The following RYR2 variants were observed in gnomAD, a reference collection of about 807,000 sequenced individuals.
RYR2 encodes the protein ryanodine receptor 2.
RYR2 carries 227 observed loss-of-function variants against 601.1 expected under a neutral mutation model. That is an observed-to-expected ratio of 0.38 (90% CI 0.34 to 0.42). The LOEUF is 0.42. Among genes scored for constraint, RYR2 ranks in the 10% least tolerant of loss-of-function variants. RYR2 has a pLI of 1.00. For synonymous variants in RYR2, 2,223 were observed against 2,175.1 expected, an observed-to-expected ratio of 1.02 and a Z score of -0.61; for missense variants, 4,646 against 6,156.5, an observed-to-expected ratio of 0.75 and a Z score of 8.21.
At chr1:237,524,249 G>T (rs2618696) in intron 24 of RYR2, among the ~76,000 whole-genome samples, 74,478 of 152,052 alleles carry the variant, frequency 0.49, 18,514 homozygotes, top group East Asian at 0.58. Context: ...TACTGCCACA[G>T]ACTCCAACAT....
At chr1:237,606,223 C>T (rs1451670735) in intron 35 of RYR2, among the ~76,000 whole-genome samples, 1 of 152,120 alleles carries the variant, frequency 6.6e-6, no homozygotes, top group Non-Finnish European at 1.5e-5. Context: ...AACAGAGATA[C>T]AGACCAATGG....
chr1:237,345,489 AATAT>A (rs1558658275), intron 3 of RYR2, among the ~76,000 whole-genome samples: 1 of 151,160 alleles, frequency 6.6e-6, no homozygotes, highest in Non-Finnish European at 1.5e-5. Context: ...AATAAAAAAA[AATAT>A]ATATATGTAC....
At position 237,234,883 on chromosome 1, in the gene RYR2, AT is replaced by A. The variant is rs1014101435; in HGVS notation, c.49-35603del. Among the ~76,000 whole-genome samples the A allele has an allele frequency of 7.0e-3, 1,021 of 146,486 alleles. 9 individuals carry two copies. Among genetic ancestry groups the A allele is most frequent in the African/African-American group, 0.023 (916 of 40,262 alleles). On this transcript the variant is annotated intron_variant, in intron 1 of 104. Transcript: ENST00000366574. Reference sequence around the variant, plus strand: ...TCATCAAGAAGCTTACAGTTTTGTGATTTTTTTTTTTAATGCCCAAGAATCT... The same window carrying A: ...TCATCAAGAAGCTTACAGTTTTGTGATTTTTTTTTTAATGCCCAAGAATCT...
chr1:237,508,986 C>T, intron 23 of RYR2, among the ~76,000 whole-genome samples: 1 of 151,906 alleles, frequency 6.6e-6, no homozygotes, highest in East Asian at 1.9e-4. Flanking sequence ...TCGTGATCCG[C>T]CCGCCTCGGC....
chr1:237,178,614 C>A (rs1256012269), intron 1 of RYR2, among the ~76,000 whole-genome samples: 1 of 151,990 alleles, frequency 6.6e-6, no homozygotes, highest in African/African-American at 2.4e-5. Context: ...CAAGACCAGG[C>A]TGGGCAACAT....
intron 80 of RYR2, among the ~76,000 whole-genome samples, chr1:237,742,797 A>G (rs1691729073): frequency 6.6e-6 from 1 of 152,212 alleles, no homozygotes; most frequent in Non-Finnish European, 1.5e-5. Flanking sequence ...TTCCATGTAC[A>G]TATGCAGATA....
intron 3 of RYR2, among the ~76,000 whole-genome samples, chr1:237,350,106 G>A (rs1698630549): frequency 6.6e-6 from 1 of 152,012 alleles, no homozygotes; most frequent in Non-Finnish European, 1.5e-5. Flanking sequence ...AATGTTAATT[G>A]ACTAAATACT....
intron 1 of RYR2, among the ~76,000 whole-genome samples, chr1:237,221,913 A>T (rs918814534): frequency 2.0e-5 from 3 of 152,080 alleles, no homozygotes; most frequent in African/African-American, 7.2e-5. Flanking sequence ...CTGAATGGCT[A>T]GTGACTATGT....
chr1:237,761,187 CACCCTAAAACCA>C (rs1029746685), intron 84 of RYR2, among the ~76,000 whole-genome samples, 159 bp downstream of exon 84: 39 of 152,150 alleles, frequency 2.6e-4, no homozygotes, highest in African/African-American at 9.2e-4. Context: ...ACACCGGTCA[CACCCTAAAACCA>C]ACCTTCCACG....
At chr1:237,805,237 A>G (rs1358070954) in intron 98 of RYR2, among the ~76,000 whole-genome samples, 2 of 152,182 alleles carry the variant, frequency 1.3e-5, no homozygotes, top group Admixed American at 6.5e-5. Flanking sequence ...CAAATTAAGT[A>G]AAAATAAAAT....
intron 1 of RYR2, among the ~76,000 whole-genome samples, chr1:237,052,998 G>A (rs1053757347): frequency 3.3e-5 from 5 of 151,998 alleles, no homozygotes; most frequent in African/African-American, 7.2e-5. Flanking sequence ...ACAGGTGCCC[G>A]CCACCATGCC....
chr1:237,206,452 T>C (rs1282231409), intron 1 of RYR2, among the ~76,000 whole-genome samples: 1 of 152,222 alleles, frequency 6.6e-6, no homozygotes, highest in Non-Finnish European at 1.5e-5. Context: ...GTTTTACCAA[T>C]AAAGATTGTT....
At position 237,081,263 on chromosome 1, in the gene RYR2, T is replaced by A. The variant is rs577837922; in HGVS notation, c.48+38694T>A. On this transcript the variant is annotated intron_variant, in intron 1 of 104. Coordinates refer to ENST00000366574, the MANE Select transcript of RYR2 (RefSeq NM_001035.3). ...ACCTGCACAATGTGCACATGTACCC[T>A]AAAACTTAGAGTATAATAAAAAAAA... Among the ~76,000 whole-genome samples, 269 of 82,578 alleles carry A rather than the reference T, an allele frequency of 3.3e-3. 2 individuals are homozygous for A. Among genetic ancestry groups the A allele is most frequent in the Admixed American group, 5.6e-3 (33 of 5,914 alleles). 54.2% of individuals were successfully genotyped at this position (82,578 alleles called of 152,430 possible). A position where few individuals can be genotyped will look rare whatever the true frequency, so the allele number is the denominator to read the frequency against.
At chr1:237,295,090 C>T (rs1242199990) in intron 2 of RYR2, among the ~76,000 whole-genome samples, 2 of 151,954 alleles carry the variant, frequency 1.3e-5, no homozygotes, top group African/African-American at 4.8e-5. Flanking sequence ...GCAGTGTGTG[C>T]CTGTAGTCCT....
intron 4 of RYR2, among the ~76,000 whole-genome samples, chr1:237,363,166 G>C (rs16835165): frequency 0.31 from 46,150 of 151,274 alleles, 7,238 homozygotes; most frequent in East Asian, 0.32. Flanking sequence ...GTGTTTCTTT[G>C]AATTAAGGCT....
chr1:237,796,456 C>T (rs769654837), intron 96 of RYR2, among the ~76,000 whole-genome samples: 162 of 152,272 alleles, frequency 1.1e-3, no homozygotes, highest in Non-Finnish European at 1.6e-3. Context: ...ATTTTTAGCA[C>T]TGTGAGAATA....
intron 101 of RYR2, 28 bp from the exon 102 acceptor site, chr1:237,828,353 A>T (rs1574117097): frequency 6.8e-7 from 1 of 1,475,080 alleles, no homozygotes; most frequent in Non-Finnish European, 9.3e-7. Context: ...CTTGATAAAG[A>T]TTAAATTGTG....
At chr1:237,728,925 A>G (rs181113191) in intron 76 of RYR2, among the ~76,000 whole-genome samples, 7 of 152,228 alleles carry the variant, frequency 4.6e-5, no homozygotes, top group Non-Finnish European at 7.4e-5. Flanking sequence ...CATTCTGCAC[A>G]TGTATCCCAG....
intron 80 of RYR2, among the ~76,000 whole-genome samples, chr1:237,744,857 C>T (rs1445920651): frequency 2.0e-5 from 3 of 146,790 alleles, no homozygotes; most frequent in East Asian, 2.0e-4. Flanking sequence ...AGTGCAGTGG[C>T]AGGATCTCAG....
Sources: allele counts gnomAD v4.1 joint callset (sites outside exome capture counted in the v4.1 genomes callset), GRCh38; gene constraint gnomAD v4.1.1; transcripts MANE v1.5; gene names NCBI Gene and HGNC (gene_info 2026-07-23, HGNC 2026-07-21).